The following KIF12 variants were observed in gnomAD, a reference collection of about 807,000 sequenced individuals.
KIF12 encodes kinesin family member 12, also known as kinesin-like protein KIF12.
Under a neutral mutation model 87.9 loss-of-function variants are expected in KIF12, and 80 were observed. The ratio of observed to expected loss-of-function variants is 0.91; its 90% CI spans 0.76 to 1.10. The LOEUF (loss-of-function observed/expected upper bound fraction) is 1.10. KIF12 is among the 50% of genes least tolerant of loss of function. The probability of loss-of-function intolerance (pLI) is 0.00; values close to 1 mark genes in which losing one functional copy is unlikely to be tolerated. For missense variants in KIF12, 819 were observed against 865.3 expected (o/e 0.95, Z 0.67); for synonymous variants, 353 against 348.5 (o/e 1.01, Z -0.14).
At position 114,095,065 on chromosome 9, in the gene KIF12, T is replaced by C; in HGVS notation, c.1077A>G (p.Ala359=). Residue 359 remains alanine, a synonymous_variant, in exon 11 of 19, where the codon GCA becomes GCG. Transcript: ENST00000640217. ...LPETLSTLRY[A]SRAQRVTTRP... ...GGGTGGTGACCCGCTGAGCTCGGCT[T>C]GCATATCGCAGGGTGCTGAGAGTCT... is the stretch of plus-strand genomic sequence containing the variant. 6.2e-7 allele frequency: 1 copy of C among 1,609,934 alleles called. No homozygotes were observed. Among genetic ancestry groups the C allele is most frequent in the Non-Finnish European group, 8.5e-7 (1 of 1,177,940 alleles).
Position 114,095,356 on chromosome 9 carries a change from G to A in KIF12, c.896-24C>T, listed in dbSNP as rs576151488. 12 of 1,606,346 alleles carry A rather than the reference G, an allele frequency of 7.5e-6. No homozygotes were observed. In the African/African-American group the frequency reaches 1.5e-4, roughly 20 times the overall value. ...ACCTGGGGAGGGAGAGCAAGAGTTAGGAAGGTTACATCACTTGCCTAGGGC... is the reference window on the plus strand; with the variant it reads ...ACCTGGGGAGGGAGAGCAAGAGTTAAGAAGGTTACATCACTTGCCTAGGGC... On this transcript the variant is annotated intron_variant, in intron 9 of 18. Transcript: ENST00000640217.
In KIF12 at chr9:114,092,438, A is replaced by T. The variant is rs368253429; in HGVS notation, c.1711T>A (p.Trp571Arg). Residue 571 changes from tryptophan to arginine, a missense_variant, in exon 18 of 19, where the codon TGG becomes AGG. Trp to Arg is a moderately radical substitution (Grantham distance 101). Transcript: ENST00000640217. ...TCTGCCAGGACTCGGGTCTGAGTCC[A>T]GTCACTGTGACTCCTGGGCCAGGGT... ...KCPRERSHSDWTQTRVLAEML... is the reference protein window; with the variant it reads ...KCPRERSHSDRTQTRVLAEML... 2 of 1,613,646 alleles carry T rather than the reference A, an allele frequency of 1.2e-6. No homozygotes were observed. Among genetic ancestry groups the T allele is most frequent in the Non-Finnish European group, 1.7e-6 (2 of 1,179,812 alleles).
chr9:114,093,905 G>A lies in KIF12; in HGVS notation c.1381C>T (p.Gln461Ter). 6.2e-7 allele frequency: 1 copy of A among 1,614,062 alleles called. No individual in the cohort carries two copies. The highest frequency in any genetic ancestry group is 1.3e-5 in the African/African-American group (1 of 75,060). Residue 461 changes from glutamine to a stop codon, truncating the protein, a stop_gained, in exon 14 of 19, where the codon CAG (glutamine) becomes TAG (stop). Transcript: ENST00000640217. LOFTEE classifies it high-confidence loss of function. The stretch of plus-strand genomic sequence containing the variant: ...GCTTACCTCTCTAGTGCATGGACCT[G>A]CTGGGCCAGGATGCGCTGCTCATTC... Reference protein sequence around the residue: ...AQNEQRILAQQVHALERRLLS... With the variant: ...AQNEQRILAQ
In KIF12 at chr9:114,098,176, A is replaced by G. The variant is rs1310512362; in HGVS notation, c.314T>C (p.Val105Ala). The G allele has an allele frequency of 7.1e-6, 11 of 1,548,238 alleles. No homozygotes were observed. The highest frequency in any genetic ancestry group is 5.9e-5 in the Admixed American group (3 of 50,942). Reference sequence around the variant, plus strand: ...AGAGCCCGTCTGGCCAAAGGTGAAAACAGTGCAGGAGAAACTGCGGGCGGC... The same window carrying G: ...AGAGCCCGTCTGGCCAAAGGTGAAAGCAGTGCAGGAGAAACTGCGGGCGGC... ...ELALRGFSCT[V>A]FTFGQTGSGK... The change falls in exon 5 of 19, where the codon GTT (valine) becomes GCT (alanine). Residue 105 changes from valine to alanine, a missense_variant. Coordinates refer to ENST00000640217, the MANE Select transcript of KIF12 (RefSeq NM_001388308.1).
At chr9:114,094,124 C>A in intron 13 of KIF12, 57 bp downstream of exon 13, 2 of 1,552,176 alleles carry the variant, frequency 1.3e-6, no homozygotes, top group Non-Finnish European at 1.8e-6. Flanking sequence ...TTGCCAGAAG[C>A]AGCCTAGCAG....
intron 13 of KIF12, 79 bp from the exon 14 acceptor site, chr9:114,094,051 AT>A: frequency 6.9e-7 from 1 of 1,456,400 alleles, no homozygotes; most frequent in Non-Finnish European, 9.6e-7. Context: ...TCATTGCAGC[AT>A]AGCACCAGTT....
chr9:114,093,639 C>G lies in KIF12; in HGVS notation c.1401-142G>C. The G allele has an allele frequency of 5.3e-6, 4 of 759,916 alleles. No homozygotes were observed. In the South Asian group the frequency reaches 6.8e-5, roughly 13 times the overall value. 47.1% of individuals were successfully genotyped at this position (759,916 alleles called of 1,614,324 possible). On this transcript the variant is annotated intron_variant, in intron 14 of 18. Transcript: ENST00000640217. ...TCAAAGTTTTACATGTTAACTTATT[C>G]TCTCTGATTTTTAAAACAAGCCTAT...
intron 16 of KIF12, 102 bp downstream of exon 16, chr9:114,093,127 A>G: frequency 8.1e-7 from 1 of 1,231,304 alleles, no homozygotes; most frequent in Admixed American, 2.0e-5. Flanking sequence ...CCCATGATCT[A>G]GCCTGCAGCC....
chr9:114,094,286 G>A lies in KIF12; in HGVS notation c.1223-15C>T. 4 of 1,613,550 alleles carry A rather than the reference G, an allele frequency of 2.5e-6. No individual in the cohort carries two copies. The highest frequency in any genetic ancestry group is 3.4e-6 in the Non-Finnish European group (4 of 1,179,498). On this transcript the variant is annotated splice_polypyrimidine_tract_variant and intron_variant, in intron 12 of 18. Coordinates refer to ENST00000640217, the MANE Select transcript of KIF12 (RefSeq NM_001388308.1). ...GAGCCCTGAGGCTGCAGGGAAGCAGGAGGTGGTGGATCCACAGGAGCCCCA... is the reference window on the plus strand; with the variant it reads ...GAGCCCTGAGGCTGCAGGGAAGCAGAAGGTGGTGGATCCACAGGAGCCCCA...
Position 114,096,382 on chromosome 9 carries a change from C to T in KIF12, c.738+5G>A. On this transcript the variant is annotated splice_donor_5th_base_variant and intron_variant, in intron 8 of 18. Coordinates refer to ENST00000640217, the MANE Select transcript of KIF12 (RefSeq NM_001388308.1). ...GTAAGCACCTTCCCAGGCTGGAGCA[C>T]TCACAGTTTGACGGCTGATGTAAAG... is the stretch of plus-strand genomic sequence containing the variant. The T allele has an allele frequency of 6.2e-7, 1 of 1,611,910 alleles. No homozygotes were observed. The highest frequency in any genetic ancestry group is 8.5e-7 in the Non-Finnish European group (1 of 1,179,056).
chr9:114,091,679 G>T lies in KIF12; in HGVS notation c.*182C>A. ...TCTTTATTCATGTATTTCATCCCCT[G>T]CTGCCTGGTTTCTCCTGAATCCCCT... is the stretch of plus-strand genomic sequence containing the variant. On this transcript the variant is annotated 3_prime_UTR_variant, in exon 19 of 19. Transcript: ENST00000640217. 2 of 556,886 alleles carry T rather than the reference G, an allele frequency of 3.6e-6. No homozygotes were observed. The highest frequency in any genetic ancestry group is 3.1e-6 in the Non-Finnish European group (1 of 324,202). The allele number at this position is 556,886 out of a possible 1,614,324, so 34.5% of individuals were successfully genotyped here. A position where few individuals can be genotyped will look rare whatever the true frequency, so the allele number is the denominator to read the frequency against.
At position 114,094,278 on chromosome 9, in the gene KIF12, G is replaced by A; in HGVS notation, c.1223-7C>T. 1 of 1,613,792 alleles carries A rather than the reference G, an allele frequency of 6.2e-7. No individual in the cohort carries two copies. Among genetic ancestry groups the A allele is most frequent in the Non-Finnish European group, 8.5e-7 (1 of 1,179,732 alleles). On this transcript the variant is annotated splice_region_variant and splice_polypyrimidine_tract_variant and intron_variant, in intron 12 of 18. Transcript: ENST00000640217. ...GCTCCACTGAGCCCTGAGGCTGCAG[G>A]GAAGCAGGAGGTGGTGGATCCACAG... is the stretch of plus-strand genomic sequence containing the variant.
chr9:114,092,707 T>G, intron 16 of KIF12, 65 bp from the exon 17 acceptor site: 3 of 1,531,174 alleles, frequency 2.0e-6, no homozygotes, highest in Non-Finnish European at 2.6e-6. Flanking sequence ...CCCACCTACC[T>G]GGTGCTAGCC....
chr9:114,099,107 A>G lies in KIF12; in HGVS notation c.89T>C (p.Leu30Pro). 2.6e-6 allele frequency: 4 copies of G among 1,550,434 alleles called. No homozygotes were observed. The highest frequency in any genetic ancestry group is 3.5e-6 in the Non-Finnish European group (4 of 1,146,934). ...CTCCTAGCCAATTTATACCCACCTG[A>G]GCACCACCTGGATGGGCGTTTCCGG... ...EGPETPIQVV[L>P]RVRPMSAAEL... The change falls in exon 2 of 19, where the codon CTC becomes CCC. Residue 30 changes from leucine (L) to proline (P), a missense_variant. Leu to Pro is a moderately conservative substitution (Grantham distance 98). Coordinates refer to ENST00000640217, the MANE Select transcript of KIF12 (RefSeq NM_001388308.1).
chr9:114,097,632 G>T lies in KIF12; in HGVS notation c.485C>A (p.Ser162Tyr), dbSNP rs1288351723. 1 of 1,613,936 alleles carries T rather than the reference G, an allele frequency of 6.2e-7. No homozygotes were observed. Among genetic ancestry groups the T allele is most frequent in the Admixed American group, 1.7e-5 (1 of 60,008 alleles). The stretch of plus-strand genomic sequence containing the variant: ...CTGCTCATTGTAGATCTCCAGATAA[G>T]AGGCGCGAAGGGTGACAGGGGCACC... ...HLGAPVTLRA[S>Y]YLEIYNEQVR... The change falls in exon 6 of 19, where the codon TCT becomes TAT. Residue 162 changes from serine (S) to tyrosine (Y), a missense_variant. Physicochemically the swap from Ser to Tyr is moderately radical, Grantham distance 144. Coordinates refer to ENST00000640217, the MANE Select transcript of KIF12 (RefSeq NM_001388308.1).
At chr9:114,095,961 A>G (rs1847207872) in intron 9 of KIF12, 90 bp downstream of exon 9, 1 of 1,406,932 alleles carries the variant, frequency 7.1e-7, no homozygotes, top group Non-Finnish European at 9.6e-7. Flanking sequence ...TCTATTTACT[A>G]CAACTCCTCT....
intron 16 of KIF12, 135 bp from the exon 17 acceptor site, chr9:114,092,777 G>A: frequency 6.7e-7 from 1 of 1,482,978 alleles, no homozygotes; most frequent in Non-Finnish European, 8.9e-7. Flanking sequence ...GCATAAAGGG[G>A]TGGGGTCTTG....
In KIF12 at chr9:114,091,659, A is replaced by G. The variant is rs1847003359; in HGVS notation, c.*202T>C. The G allele has an allele frequency of 5.8e-6, 3 of 516,808 alleles. No individual in the cohort carries two copies. In the South Asian group the frequency reaches 1.1e-4, roughly 19 times the overall value. 32.0% of individuals were successfully genotyped at this position (516,808 alleles called of 1,614,324 possible). On this transcript the variant is annotated 3_prime_UTR_variant, in exon 19 of 19. Transcript: ENST00000640217. ...AGACTTGGAGCTGATGCCTCTCTTTATTCATGTATTTCATCCCCTGCTGCC... is the reference window on the plus strand; with the variant it reads ...AGACTTGGAGCTGATGCCTCTCTTTGTTCATGTATTTCATCCCCTGCTGCC...
In KIF12 at chr9:114,092,567, C is replaced by G. The variant is rs1847038565; in HGVS notation, c.1672G>C (p.Gly558Arg). The G allele has an allele frequency of 8.1e-6, 13 of 1,610,344 alleles. No individual in the cohort carries two copies. Among genetic ancestry groups the G allele is most frequent in the Non-Finnish European group, 1.1e-5 (13 of 1,179,170 alleles). Residue 558 changes from glycine (G) to arginine (R), a missense_variant, in exon 17 of 19, where the codon GGC (glycine) becomes CGC (arginine). Gly to Arg is a moderately radical substitution (Grantham distance 125, BLOSUM62 -2). Coordinates refer to ENST00000640217, the MANE Select transcript of KIF12 (RefSeq NM_001388308.1). ...PPPWAPPCSP[G>R]SAKCPRERSH... is the part of the protein sequence containing the mutation. ...CTCTCTCTTGGGCACTTGGCAGAGC[C>G]AGGGCTGCATGGGGGTGCCCAGGGT...
Sources: gnomAD v4.1 joint callset for allele counts on GRCh38, gnomAD v4.1.1 for gene constraint, MANE v1.5 for transcripts, NCBI Gene and HGNC (gene_info 2026-07-23, HGNC 2026-07-21) for gene names.